Variants in GUCA1B observed in about 807,000 individuals in gnomAD.
GUCA1B encodes the protein guanylate cyclase activator 1B.
Under a neutral mutation model 24.2 loss-of-function variants are expected in GUCA1B, and 22 were observed. That is an observed-to-expected ratio of 0.91 (90% CI 0.65 to 1.30). The LOEUF (loss-of-function observed/expected upper bound fraction) is 1.30, where lower values mean the gene tolerates loss of function less well. Among genes scored for constraint, GUCA1B ranks in the 50% most tolerant of loss-of-function variants. The pLI is 0.00. For missense variants in GUCA1B, 221 were observed against 258.8 expected (o/e 0.85, Z 1.00); for synonymous variants, 100 against 97.9 (o/e 1.02, Z -0.13).
At position 42,194,903 on chromosome 6, in the gene GUCA1B, C is replaced by T. The variant is rs145692963; in HGVS notation, c.-83G>A. 2 of 996,214 alleles carry T rather than the reference C, an allele frequency of 2.0e-6. No individual in the cohort carries two copies. Among genetic ancestry groups the T allele is most frequent in the East Asian group, 5.2e-5 (2 of 38,436 alleles). The allele number at this position is 996,214 out of a possible 1,614,324, so 61.7% of individuals were successfully genotyped here. A position where few individuals can be genotyped will look rare whatever the true frequency, so the allele number is the denominator to read the frequency against. ...GATGGATCTCTCCAACTAGGGCCCTCTTCCTCCCTTTCCAGGAGGCCTGAT... is the reference window on the plus strand; with the variant it reads ...GATGGATCTCTCCAACTAGGGCCCTTTTCCTCCCTTTCCAGGAGGCCTGAT... On this transcript the variant is annotated 5_prime_UTR_variant, in exon 1 of 4. Transcript: ENST00000230361.
chr6:42,192,702 A>C (rs1372823287), intron 1 of GUCA1B, among the ~76,000 whole-genome samples: 1 of 151,928 alleles, frequency 6.6e-6, no homozygotes, highest in Non-Finnish European at 1.5e-5. Context: ...ACATGGCGAG[A>C]CCTCATCTCT....
intron 1 of GUCA1B, among the ~76,000 whole-genome samples, chr6:42,190,665 C>T (rs1385575013): frequency 6.6e-6 from 1 of 152,072 alleles, no homozygotes; most frequent in Non-Finnish European, 1.5e-5. Context: ...GTTCCCAGGC[C>T]ACCCAGCCAG....
chr6:42,192,385 GAAAA>G (rs1768324647), intron 1 of GUCA1B, among the ~76,000 whole-genome samples: 10 of 80,090 alleles, frequency 1.2e-4, no homozygotes, highest in African/African-American at 2.2e-4. Flanking sequence ...AAAAAAGAGA[GAAAA>G]GAAAAGAAAA....
chr6:42,184,644 G>A lies in GUCA1B; in HGVS notation c.*171C>T, dbSNP rs1768162407. 1.4e-6 allele frequency: 1 copy of A among 736,626 alleles called. No homozygotes were observed. The highest frequency in any genetic ancestry group is 1.9e-5 in the Admixed American group (1 of 52,144). 45.6% of individuals were successfully genotyped at this position (736,626 alleles called of 1,614,324 possible). On this transcript the variant is annotated 3_prime_UTR_variant, in exon 4 of 4. Transcript: ENST00000230361. The stretch of plus-strand genomic sequence containing the variant: ...ACTCCTCCAAAATGGACTATGCCCT[G>A]TTGGCCACTTCAAACCCAGCAGCCC...
chr6:42,188,572 A>C lies in GUCA1B; in HGVS notation c.357+10T>G, dbSNP rs1169460679. On this transcript the variant is annotated intron_variant, in intron 2 of 3. Coordinates refer to ENST00000230361, the MANE Select transcript of GUCA1B (RefSeq NM_002098.6). Reference sequence around the variant, plus strand: ...GCCCAGGCTGCTGGCCCATGGGCAGAGACACTAACCTCCACAATGTTGAGT... The same window carrying C: ...GCCCAGGCTGCTGGCCCATGGGCAGCGACACTAACCTCCACAATGTTGAGT... The C allele has an allele frequency of 8.7e-6, 14 of 1,613,882 alleles. No individual in the cohort carries two copies. The highest frequency in any genetic ancestry group is 1.2e-5 in the Non-Finnish European group (14 of 1,179,822).
intron 1 of GUCA1B, among the ~76,000 whole-genome samples, chr6:42,192,350 A>T (rs527248798): frequency 0.093 from 4,132 of 44,276 alleles, 366 homozygotes; most frequent in African/African-American, 0.28. Context: ...CGAGACTCCA[A>T]CTCAAAAAAA....
intron 2 of GUCA1B, among the ~76,000 whole-genome samples, chr6:42,187,143 T>C (rs1768206029): frequency 6.6e-6 from 1 of 152,162 alleles, no homozygotes; most frequent in African/African-American, 2.4e-5. Flanking sequence ...TCTTGCTCTG[T>C]CACCAGGCTG....
chr6:42,184,234 C>T lies in GUCA1B; in HGVS notation c.*581G>A, dbSNP rs138314395. On this transcript the variant is annotated 3_prime_UTR_variant, in exon 4 of 4. Coordinates refer to ENST00000230361, the MANE Select transcript of GUCA1B (RefSeq NM_002098.6). ...CCTCCTGAGTAGCTGGGACTACAGG[C>T]GCCCGCCACCTCACCCGGCTGATTT... 6.0e-3 allele frequency among the ~76,000 whole-genome samples: 920 copies of T among 152,178 alleles called. 12 individuals carry two copies. Among genetic ancestry groups the T allele is most frequent in the African/African-American group, 0.021 (881 of 41,526 alleles).
intron 1 of GUCA1B, among the ~76,000 whole-genome samples, chr6:42,193,812 C>G (rs1027475834): frequency 6.6e-6 from 1 of 152,208 alleles, no homozygotes; most frequent in Non-Finnish European, 1.5e-5. Context: ...AGAACTGACA[C>G]TTTCTTCAGA....
At chr6:42,187,613 G>C (rs1422584766) in intron 2 of GUCA1B, among the ~76,000 whole-genome samples, 2 of 151,000 alleles carry the variant, frequency 1.3e-5, no homozygotes. Flanking sequence ...TGTAGAGATG[G>C]GGTCTTACTA....
chr6:42,186,901 G>A (rs895940454), intron 2 of GUCA1B, among the ~76,000 whole-genome samples: 4 of 152,142 alleles, frequency 2.6e-5, no homozygotes, highest in Admixed American at 1.3e-4. Context: ...TCATAGCGCG[G>A]GTCTGGCTAA....
At chr6:42,185,166 C>T (rs181761681) in intron 3 of GUCA1B, among the ~76,000 whole-genome samples, 16 of 152,316 alleles carry the variant, frequency 1.1e-4, no homozygotes, top group African/African-American at 3.8e-4. Flanking sequence ...TACTTTTGCG[C>T]ATGGTACCAC....
chr6:42,185,720 G>A lies in GUCA1B; in HGVS notation c.435C>T (p.Val145=), dbSNP rs754635818. 14 of 1,611,104 alleles carry A rather than the reference G, an allele frequency of 8.7e-6. No homozygotes were observed. The Middle Eastern group carries it at 4.9e-4, about 57-fold the overall frequency. ...EQGQLLTPEE[V]VDRIFLLVDE... ...CCACCAGGAGGAAGATCCTGTCCAC[G>A]ACCTCCTCGGGTGTGAGCAGCTGGC... The change falls in exon 3 of 4, where the codon GTC becomes GTT. Residue 145 remains valine, a synonymous_variant. Transcript: ENST00000230361.
At chr6:42,188,951 T>TATC (rs1768255619) in intron 1 of GUCA1B, among the ~76,000 whole-genome samples, 9 of 134,030 alleles carry the variant, frequency 6.7e-5, no homozygotes, top group Admixed American at 2.8e-4. Context: ...ATCTATCATC[T>TATC]GTCTATTTAT....
rs2113849635 is a variant in GUCA1B, at chr6:42,194,629, G to C, written c.192C>G (p.Ala64=). 1 of 1,611,768 alleles carries C rather than the reference G, an allele frequency of 6.2e-7. No homozygotes were observed. The highest frequency in any genetic ancestry group is 2.2e-5 in the East Asian group (1 of 44,858). Residue 64 remains alanine, a synonymous_variant, in exon 1 of 4, where the codon GCC becomes GCG. Transcript: ENST00000230361. ...ASQYVEGMFR[A]FDKNGDNTID... ...GGTGCCTTACCCCATTCTTGTCGAA[G>C]GCTCGGAACATGCCCTCTACATACT...
intron 2 of GUCA1B, among the ~76,000 whole-genome samples, chr6:42,186,328 C>T (rs554209104): frequency 6.6e-6 from 1 of 152,230 alleles, no homozygotes; most frequent in Non-Finnish European, 1.5e-5. Flanking sequence ...CGCTGTGGCT[C>T]ATGCCTGTAA....
chr6:42,185,733 G>GAC lies in GUCA1B; in HGVS notation c.421_422insGT (p.Thr141SerfsTer24), dbSNP rs1297816308. Reference sequence around the variant, plus strand: ...GATCCTGTCCACGACCTCCTCGGGTGTGAGCAGCTGGCCTTGCTCAGTTTG... The same window carrying GAC: ...GATCCTGTCCACGACCTCCTCGGGTGACTGAGCAGCTGGCCTTGCTCAGTTTG... On this transcript the variant is annotated frameshift_variant, in exon 3 of 4. Transcript: ENST00000230361. LOFTEE classifies it high-confidence loss of function. 6.2e-7 allele frequency: 1 copy of GAC among 1,613,060 alleles called. No homozygotes were observed. Among genetic ancestry groups the GAC allele is most frequent in the African/African-American group, 1.3e-5 (1 of 74,916 alleles).
Position 42,194,832 on chromosome 6 carries a change from G to A in GUCA1B, c.-12C>T, listed in dbSNP as rs376121393. On this transcript the variant is annotated 5_prime_UTR_variant, in exon 1 of 4. Transcript: ENST00000230361. ...AACTCCTGCCCCATGCTAGCCCTGA[G>A]GAGCATCAGGGAGCAAGGGTCTGTA... The A allele has an allele frequency of 7.1e-6, 11 of 1,538,838 alleles. No homozygotes were observed. The African/African-American group carries it at 1.1e-4, about 15-fold the overall frequency.
rs1211378141 is a variant in GUCA1B at position 42,183,614 on chromosome 6, G to A, written c.*1201C>T. ...TCCGACCTGCTCACTGTGCTGCCAA[G>A]ACATAACCAAGGTTAGGGAGGAGAA... On this transcript the variant is annotated 3_prime_UTR_variant, in exon 4 of 4. Transcript: ENST00000230361. Among the ~76,000 whole-genome samples, 1 of 152,184 alleles carries A rather than the reference G, an allele frequency of 6.6e-6. No homozygotes were observed. The highest frequency in any genetic ancestry group is 1.9e-4 in the East Asian group (1 of 5,196).
Sources: allele counts gnomAD v4.1 joint callset (sites outside exome capture counted in the v4.1 genomes callset), GRCh38; gene constraint gnomAD v4.1.1; transcripts MANE v1.5; gene names NCBI Gene and HGNC (gene_info 2026-07-23, HGNC 2026-07-21).